CAMTA1: variants seen among roughly 807,000 people sequenced by gnomAD.
The protein encoded by CAMTA1 is calmodulin-binding transcription activator 1.
Under a neutral mutation model 170.9 loss-of-function variants are expected in CAMTA1, and 27 were observed. The ratio of observed to expected loss-of-function variants is 0.16; its 90% CI spans 0.12 to 0.22. The LOEUF (loss-of-function observed/expected upper bound fraction) is 0.22, where lower values mean the gene tolerates loss of function less well. Among genes scored for constraint, CAMTA1 ranks in the 10% least tolerant of loss-of-function variants. CAMTA1 has a pLI of 1.00. For synonymous variants in CAMTA1, 833 were observed against 891.5 expected, an observed-to-expected ratio of 0.93 and a Z score of 1.17; for missense variants, 1,619 against 2,217.2, an observed-to-expected ratio of 0.73 and a Z score of 5.42.
chr1:6,823,121 C>A, intron 2 of CAMTA1, among the ~76,000 whole-genome samples: 1 of 151,880 alleles, frequency 6.6e-6, no homozygotes, highest in South Asian at 2.1e-4. Flanking sequence ...TAGAATTTCA[C>A]CTCTATTTTC....
chr1:6,857,557 A>G (rs1662905158), intron 3 of CAMTA1, among the ~76,000 whole-genome samples: 1 of 152,194 alleles, frequency 6.6e-6, no homozygotes, highest in Admixed American at 6.5e-5. Flanking sequence ...AGAAAGTAGC[A>G]GGCAAGGTAG....
intron 5 of CAMTA1, among the ~76,000 whole-genome samples, chr1:7,427,910 C>T (rs2091946617): frequency 6.6e-6 from 1 of 152,180 alleles, no homozygotes; most frequent in Admixed American, 6.5e-5. Context: ...TGCGACTCAT[C>T]CTTTCCTTTC....
intron 6 of CAMTA1, among the ~76,000 whole-genome samples, chr1:7,472,356 G>A (rs376644131): frequency 1.3e-5 from 2 of 152,248 alleles, no homozygotes; most frequent in South Asian, 4.1e-4. Flanking sequence ...CTGGATTCCA[G>A]CTCTGCCTGG....
chr1:6,899,880 C>G (rs1273533697), intron 3 of CAMTA1, among the ~76,000 whole-genome samples: 4 of 152,218 alleles, frequency 2.6e-5, no homozygotes, highest in Non-Finnish European at 4.4e-5. Context: ...GAGCCATAAA[C>G]TTGGTGAACT....
intron 4 of CAMTA1, among the ~76,000 whole-genome samples, chr1:7,229,899 A>G (rs763197): frequency 0.69 from 104,952 of 152,028 alleles, 37,337 homozygotes; most frequent in African/African-American, 0.87. Flanking sequence ...GTGAGAAGTG[A>G]GGCCTGGTAT....
intron 3 of CAMTA1, among the ~76,000 whole-genome samples, chr1:6,827,487 T>C (rs1479378947): frequency 6.6e-6 from 1 of 150,918 alleles, no homozygotes. Flanking sequence ...AGACTTACCC[T>C]ACGAATTGTT....
chr1:6,930,888 C>G (rs1684283972), intron 3 of CAMTA1, among the ~76,000 whole-genome samples: 2 of 152,236 alleles, frequency 1.3e-5, no homozygotes, highest in Non-Finnish European at 2.9e-5. Context: ...TCCTTCTCCT[C>G]CCTCAGCCTG....
chr1:7,631,021 CCA>C (rs1262113283), intron 6 of CAMTA1, among the ~76,000 whole-genome samples: 1 of 152,200 alleles, frequency 6.6e-6, no homozygotes, highest in African/African-American at 2.4e-5. Flanking sequence ...GATCTGTACC[CCA>C]GTTACCGGGT....
At chr1:7,097,943 A>C (rs1378466029) in intron 4 of CAMTA1, among the ~76,000 whole-genome samples, 1 of 152,154 alleles carries the variant, frequency 6.6e-6, no homozygotes, top group Non-Finnish European at 1.5e-5. Context: ...AGCAATGTGA[A>C]TGTGCTTAAT....
At chr1:7,529,675 G>A (rs1470875551) in intron 6 of CAMTA1, among the ~76,000 whole-genome samples, 2 of 152,140 alleles carry the variant, frequency 1.3e-5, no homozygotes, top group African/African-American at 2.4e-5. Context: ...GCTGGATGTA[G>A]CTCCCAGATC....
chr1:7,310,184 T>G (rs1037224383), intron 5 of CAMTA1, among the ~76,000 whole-genome samples: 12 of 152,226 alleles, frequency 7.9e-5, no homozygotes, highest in African/African-American at 2.9e-4. Context: ...TGAAGGATAT[T>G]TTTGCCGAAT....
chr1:7,302,162 G>T (rs1319956992), intron 5 of CAMTA1, among the ~76,000 whole-genome samples: 2 of 122,722 alleles, frequency 1.6e-5, no homozygotes, highest in Admixed American at 9.4e-5. Flanking sequence ...TCTCTTTGGT[G>T]GGGGTGGGGG....
At chr1:7,088,937 C>G (rs1352724137) in intron 3 of CAMTA1, among the ~76,000 whole-genome samples, 1 of 152,240 alleles carries the variant, frequency 6.6e-6, no homozygotes, top group East Asian at 1.9e-4. Flanking sequence ...GACAAACCAA[C>G]AACTCTGAAC....
At position 7,146,687 on chromosome 1, in the gene CAMTA1, C is replaced by A. The variant is rs572485037; in HGVS notation, c.302+55316C>A. ...CTGTGTAGGGGTTGATGTGGGCAGT[C>A]AGAGGGGGTAGGGAGAGAAGGGTTT... is the stretch of plus-strand genomic sequence containing the variant. On this transcript the variant is annotated intron_variant, in intron 4 of 22. Transcript: ENST00000303635. The surrounding 1 kb of genome is among the most constrained non-coding windows in gnomAD (Gnocchi z 4.3). Among the ~76,000 whole-genome samples, 10 of 152,160 alleles carry A rather than the reference C, an allele frequency of 6.6e-5. No homozygotes were observed. Among genetic ancestry groups the A allele is most frequent in the Middle Eastern group, 3.4e-3 (1 of 294 alleles).
chr1:7,227,141 C>T (rs921872458), intron 4 of CAMTA1, among the ~76,000 whole-genome samples: 4 of 152,050 alleles, frequency 2.6e-5, no homozygotes, highest in Admixed American at 1.3e-4. Flanking sequence ...CCAACTGAAG[C>T]CATTTTTAGG....
intron 5 of CAMTA1, among the ~76,000 whole-genome samples, chr1:7,314,524 G>A (rs1485509692): frequency 6.6e-6 from 1 of 152,158 alleles, no homozygotes; most frequent in Non-Finnish European, 1.5e-5. Flanking sequence ...TCCAGTCCAG[G>A]CATTATTAAC....
rs758930603 is a variant in CAMTA1, at chr1:6,823,126, A to T, written c.116-1966A>T. 5.9e-5 allele frequency among the ~76,000 whole-genome samples: 9 copies of T among 152,076 alleles called. 1 individual carries two copies. The highest frequency in any genetic ancestry group is 3.3e-4 in the Admixed American group (5 of 15,254). On this transcript the variant is annotated intron_variant, in intron 2 of 22. Coordinates refer to ENST00000303635, the MANE Select transcript of CAMTA1 (RefSeq NM_015215.4). ...GTATAGATTTTAGAATTTCACCTCT[A>T]TTTTCAGAATTGTACATATCATGGG...
intron 11 of CAMTA1, among the ~76,000 whole-genome samples, chr1:7,708,340 A>G (rs930646055): frequency 8.0e-5 from 12 of 149,796 alleles, no homozygotes; most frequent in Admixed American, 1.3e-4. Flanking sequence ...CAACAAAACA[A>G]AACAAAGAAT....
intron 3 of CAMTA1, among the ~76,000 whole-genome samples, chr1:6,861,986 G>A (rs1165918577): frequency 2.0e-5 from 3 of 147,068 alleles, no homozygotes; most frequent in South Asian, 2.1e-4. Flanking sequence ...TTTTTGAGAC[G>A]GAGTCTTACT....
Sources: gnomAD v4.1 joint callset for allele counts (sites outside exome capture counted in the v4.1 genomes callset) on GRCh38, gnomAD v4.1.1 for gene constraint, Gnocchi (gnomAD v3.1) non-coding constraint, MANE v1.5 for transcripts, NCBI Gene and HGNC (gene_info 2026-07-23, HGNC 2026-07-21) for gene names.